Variants in BCL7A observed in about 807,000 individuals in gnomAD.
The protein encoded by BCL7A is B-cell CLL/lymphoma 7 protein family member A.
A neutral mutation model predicts 28.4 loss-of-function variants in BCL7A; 11 were observed. That is an observed-to-expected ratio of 0.39 (90% CI 0.24 to 0.64). The LOEUF is 0.64. Among genes scored for constraint, BCL7A ranks in the 30% least tolerant of loss-of-function variants. The pLI is 0.50. For missense variants in BCL7A, 222 were observed against 274.8 expected, an observed-to-expected ratio of 0.81 and a Z score of 1.36; for synonymous variants, 123 against 103.3, an observed-to-expected ratio of 1.19 and a Z score of -1.15.
At chr12:122,058,918 T>C (rs1951896629) in intron 5 of BCL7A, among the ~76,000 whole-genome samples, 174 bp from the exon 6 acceptor site, 1 of 152,162 alleles carries the variant, frequency 6.6e-6, no homozygotes, top group Non-Finnish European at 1.5e-5. Flanking sequence ...AGGGTCTCCA[T>C]AGGTCCTCAA....
intron 5 of BCL7A, among the ~76,000 whole-genome samples, chr12:122,056,738 C>G (rs1330356074): frequency 6.6e-6 from 1 of 152,072 alleles, no homozygotes; most frequent in Non-Finnish European, 1.5e-5. Context: ...CCTGAGAGTT[C>G]AAGGCTGCAG....
chr12:122,029,065 C>T lies in BCL7A; in HGVS notation c.93-1635C>T, dbSNP rs570242628. Among the ~76,000 whole-genome samples the T allele has an allele frequency of 1.4e-4, 22 of 152,308 alleles. No individual in the cohort carries two copies. The highest frequency in any genetic ancestry group is 5.3e-4 in the African/African-American group (22 of 41,578). On this transcript the variant is annotated intron_variant, in intron 1 of 5. Coordinates refer to ENST00000261822, the MANE Select transcript of BCL7A (RefSeq NM_001024808.3). The surrounding 1 kb of genome is among the most constrained non-coding windows in gnomAD (Gnocchi z 4.3). ...GAGGGAGCAGAGAGGCTGGTCTCAA[C>T]AGCTGTGCTGGGTGAAGGGTTCGAG...
chr12:122,044,113 C>T, intron 4 of BCL7A, 60 bp downstream of exon 4: 23 of 1,556,540 alleles, frequency 1.5e-5, no homozygotes, highest in Non-Finnish European at 2.0e-5. Flanking sequence ...TTCAGGCAGT[C>T]TGTGGCTAGG....
At chr12:122,023,786 C>T (rs1883537914) in intron 1 of BCL7A, among the ~76,000 whole-genome samples, 3 of 152,314 alleles carry the variant, frequency 2.0e-5, no homozygotes, top group South Asian at 2.1e-4. Flanking sequence ...CAACCCGCAG[C>T]CCCCTCTACT....
chr12:122,057,498 G>A (rs948781376), intron 5 of BCL7A, among the ~76,000 whole-genome samples: 14 of 152,194 alleles, frequency 9.2e-5, no homozygotes, highest in Non-Finnish European at 1.6e-4. Flanking sequence ...CCACAAGCAG[G>A]CTGCTCCATC....
chr12:122,047,959 A>C (rs546765482), intron 4 of BCL7A, among the ~76,000 whole-genome samples: 3 of 142,682 alleles, frequency 2.1e-5, no homozygotes, highest in South Asian at 4.4e-4. Flanking sequence ...GCTGGAGTGC[A>C]ATGGTGCAAC....
In BCL7A at chr12:122,036,618, C is replaced by T. The variant is rs138819620; in HGVS notation, c.271+1191C>T. Among the ~76,000 whole-genome samples, 174 of 150,888 alleles carry T rather than the reference C, an allele frequency of 1.2e-3. 2 individuals are homozygous for T. The East Asian group carries it at 0.031, about 27-fold the overall frequency. On this transcript the variant is annotated intron_variant, in intron 3 of 5. Coordinates refer to ENST00000261822, the MANE Select transcript of BCL7A (RefSeq NM_001024808.3). Reference sequence around the variant, plus strand: ...TAACCACCCAGGTCAAAACACAGAACGTTCCGAGCTAGTCCCCAGTGTCCC... The same window carrying T: ...TAACCACCCAGGTCAAAACACAGAATGTTCCGAGCTAGTCCCCAGTGTCCC...
At chr12:122,025,244 T>C (rs1883594574) in intron 1 of BCL7A, among the ~76,000 whole-genome samples, 2 of 151,746 alleles carry the variant, frequency 1.3e-5, no homozygotes, top group Admixed American at 6.6e-5. Flanking sequence ...ACGCCTGTAA[T>C]CCCAGAGCTT....
chr12:122,033,710 G>A (rs1883789071), intron 2 of BCL7A, among the ~76,000 whole-genome samples: 1 of 152,166 alleles, frequency 6.6e-6, no homozygotes, highest in African/African-American at 2.4e-5. Flanking sequence ...TCCTGCCTGA[G>A]CCTCCCAAAG....
intron 4 of BCL7A, among the ~76,000 whole-genome samples, chr12:122,052,327 C>G (rs1393475043): frequency 6.6e-6 from 1 of 152,214 alleles, no homozygotes; most frequent in African/African-American, 2.4e-5. Context: ...AGCAACTACA[C>G]CTGGGTGATT....
At chr12:122,038,810 C>T (rs2135848726) in intron 3 of BCL7A, among the ~76,000 whole-genome samples, 1 of 152,270 alleles carries the variant, frequency 6.6e-6, no homozygotes, top group South Asian at 2.1e-4. Context: ...TAGTTTTAAT[C>T]TGTAGAATGG....
intron 1 of BCL7A, among the ~76,000 whole-genome samples, chr12:122,023,486 T>G (rs1883525165): frequency 6.6e-6 from 1 of 152,310 alleles, no homozygotes; most frequent in Admixed American, 6.5e-5. Context: ...CTGTCCTTTC[T>G]GAGTCAAACC....
At position 122,054,832 on chromosome 12, in the gene BCL7A, C is replaced by T. The variant is rs770255644; in HGVS notation, c.467C>T (p.Ser156Phe). 6.2e-7 allele frequency: 1 copy of T among 1,614,084 alleles called. No individual in the cohort carries two copies. The highest frequency in any genetic ancestry group is 1.7e-5 in the Admixed American group (1 of 60,008). ...EDASDEQNSQSSMEHSMNSSE... is the reference protein window; with the variant it reads ...EDASDEQNSQFSMEHSMNSSE... Reference sequence around the variant, plus strand: ...GCTTCTGATGAGCAGAATTCACAGTCCTCGATGGAACATTCGATGAACAGC... The same window carrying T: ...GCTTCTGATGAGCAGAATTCACAGTTCTCGATGGAACATTCGATGAACAGC... The change falls in exon 5 of 6, where the codon TCC (serine) becomes TTC (phenylalanine). Residue 156 changes from serine (S) to phenylalanine (F), a missense_variant. Physicochemically the swap from Ser to Phe is radical, Grantham distance 155. Coordinates refer to ENST00000261822, the MANE Select transcript of BCL7A (RefSeq NM_001024808.3).
At chr12:122,052,110 A>G (rs1014013633) in intron 4 of BCL7A, among the ~76,000 whole-genome samples, 5 of 151,988 alleles carry the variant, frequency 3.3e-5, no homozygotes, top group African/African-American at 1.2e-4. Context: ...CTTGACCTCA[A>G]GTGATCTGCC....
chr12:122,052,876 G>T (rs1468386605), intron 4 of BCL7A, among the ~76,000 whole-genome samples: 48 of 139,610 alleles, frequency 3.4e-4, no homozygotes, highest in African/African-American at 3.4e-4. Flanking sequence ...GTCGGGGGGG[G>T]GGGGGGGTTT....
intron 3 of BCL7A, among the ~76,000 whole-genome samples, chr12:122,038,431 CAAA>C (rs56376395): frequency 3.8e-3 from 128 of 33,524 alleles, no homozygotes; most frequent in Admixed American, 7.2e-3. Context: ...GACTCTGCCT[CAAA>C]AAAAAAAAAA....
In BCL7A at chr12:122,021,961, T is replaced by TGTGA; in HGVS notation, c.-128_-127insAGTG. The TGTGA allele has an allele frequency of 1.6e-6, 1 of 619,884 alleles. No individual in the cohort carries two copies. The highest frequency in any genetic ancestry group is 2.8e-6 in the Non-Finnish European group (1 of 351,832). The allele number at this position is 619,884 out of a possible 1,614,324, so 38.4% of individuals were successfully genotyped here. ...GTGTGTGTGTGTGTGTGTGTGTGAG[T>TGTGA]GTGTGCGTGTGAGAGTGCGAGTGTC... On this transcript the variant is annotated 5_prime_UTR_variant, in exon 1 of 6. Coordinates refer to ENST00000261822, the MANE Select transcript of BCL7A (RefSeq NM_001024808.3).
chr12:122,049,487 G>A (rs1884148066), intron 4 of BCL7A, among the ~76,000 whole-genome samples: 1 of 152,010 alleles, frequency 6.6e-6, no homozygotes, highest in Non-Finnish European at 1.5e-5. Flanking sequence ...TTTGAGACCA[G>A]CCTGGCCAAC....
At chr12:122,053,398 A>G (rs887101152) in intron 4 of BCL7A, among the ~76,000 whole-genome samples, 1 of 152,138 alleles carries the variant, frequency 6.6e-6, no homozygotes, top group Non-Finnish European at 1.5e-5. Flanking sequence ...GGCCTGTCCC[A>G]GGCCCTGCAC....
Sources: allele counts gnomAD v4.1 joint callset (sites outside exome capture counted in the v4.1 genomes callset), GRCh38; gene constraint gnomAD v4.1.1; non-coding constraint Gnocchi (gnomAD v3.1); transcripts MANE v1.5; gene names NCBI Gene and HGNC (gene_info 2026-07-23, HGNC 2026-07-21).